The following MINDY2 variants were observed in gnomAD, a reference collection of about 807,000 sequenced individuals.
MINDY2 encodes the protein ubiquitin carboxyl-terminal hydrolase MINDY-2.
A neutral mutation model predicts 68.2 loss-of-function variants in MINDY2; 52 were observed. That is an observed-to-expected ratio of 0.76 (90% CI 0.61 to 0.96). MINDY2 has a LOEUF of 0.96. Among genes scored for constraint, MINDY2 ranks in the 40% least tolerant of loss-of-function variants. The pLI, the probability that MINDY2 is intolerant of heterozygous loss-of-function variation, is 0.00. For missense variants in MINDY2, 881 were observed against 773.4 expected, an observed-to-expected ratio of 1.14 and a Z score of -1.65; for synonymous variants, 372 against 303.0, an observed-to-expected ratio of 1.23 and a Z score of -2.36.
At chr15:58,844,655 T>C (rs1417568456) in intron 6 of MINDY2, among the ~76,000 whole-genome samples, 1 of 150,232 alleles carries the variant, frequency 6.7e-6, no homozygotes, top group Non-Finnish European at 1.5e-5. Flanking sequence ...CGGTGGCTCA[T>C]ACCTGTAATC....
At chr15:58,785,605 T>C (rs1253183006) in intron 1 of MINDY2, among the ~76,000 whole-genome samples, 12 of 152,170 alleles carry the variant, frequency 7.9e-5, no homozygotes, top group African/African-American at 2.9e-4. Context: ...TTTAAAAATA[T>C]GCCATATATG....
At chr15:58,785,135 C>CAA (rs397719705) in intron 1 of MINDY2, among the ~76,000 whole-genome samples, 48 of 68,432 alleles carry the variant, frequency 7.0e-4, no homozygotes, top group East Asian at 1.4e-3. Context: ...TGAAGGAAAG[C>CAA]AAAAAAAAAA....
At chr15:58,781,136 A>C (rs1901115216) in intron 1 of MINDY2, among the ~76,000 whole-genome samples, 7 of 151,720 alleles carry the variant, frequency 4.6e-5, no homozygotes, top group South Asian at 4.2e-4. Flanking sequence ...TGCAACCTCC[A>C]CCTCCTGGGT....
intron 1 of MINDY2, among the ~76,000 whole-genome samples, chr15:58,772,647 T>C (rs1257508011): frequency 6.6e-6 from 1 of 152,214 alleles, no homozygotes; most frequent in Non-Finnish European, 1.5e-5. Flanking sequence ...GGACTAAGTT[T>C]TCATGGTTAT....
Position 58,794,753 on chromosome 15 carries a change from T to A in MINDY2, c.898+6790T>A, listed in dbSNP as rs117258318. On this transcript the variant is annotated intron_variant, in intron 2 of 8. Transcript: ENST00000559228. Reference sequence around the variant, plus strand: ...GCATTGTCGTCAAGACAGAGCCAAATACTCAGATAATAAGGTGAAGGGAAC... The same window carrying A: ...GCATTGTCGTCAAGACAGAGCCAAAAACTCAGATAATAAGGTGAAGGGAAC... Among the ~76,000 whole-genome samples, 92 of 152,162 alleles carry A rather than the reference T, an allele frequency of 6.0e-4. 1 individual carries two copies. In the East Asian group the frequency reaches 0.015, roughly 26 times the overall value.
Position 58,857,454 on chromosome 15 carries a change from A to G in MINDY2, c.*2844A>G, listed in dbSNP as rs1433587988. The G allele has an allele frequency of 2.1e-5, 3 of 145,556 alleles. No individual in the cohort carries two copies. The highest frequency in any genetic ancestry group is 4.5e-5 in the Non-Finnish European group (3 of 66,938). 9.0% of individuals were successfully genotyped at this position (145,556 alleles called of 1,614,324 possible). A position where few individuals can be genotyped will look rare whatever the true frequency, so the allele number is the denominator to read the frequency against. On this transcript the variant is annotated 3_prime_UTR_variant, in exon 9 of 9. Transcript: ENST00000559228. The stretch of plus-strand genomic sequence containing the variant: ...GAGGCTGAGGCAGGAGAATCGCTTG[A>G]ACCCAGGAGGCAGTGATTGCAGTGA...
At chr15:58,780,146 T>C (rs1901038944) in intron 1 of MINDY2, among the ~76,000 whole-genome samples, 3 of 152,208 alleles carry the variant, frequency 2.0e-5, no homozygotes, top group Admixed American at 2.0e-4. Flanking sequence ...TGGCTCACAC[T>C]GTAATCCCAG....
At chr15:58,816,742 G>C (rs1473178220) in intron 4 of MINDY2, among the ~76,000 whole-genome samples, 1 of 152,142 alleles carries the variant, frequency 6.6e-6, no homozygotes, top group Admixed American at 6.6e-5. Context: ...GGGAAAAAAT[G>C]AAACTGTTTC....
intron 7 of MINDY2, among the ~76,000 whole-genome samples, chr15:58,851,378 G>T (rs1040127968): frequency 1.3e-5 from 2 of 151,958 alleles, no homozygotes; most frequent in Admixed American, 1.3e-4. Flanking sequence ...AAAATAAAAT[G>T]TTTTTTATTT....
At position 58,775,859 on chromosome 15, in the gene MINDY2, A is replaced by AT. The variant is rs544164455; in HGVS notation, c.840+3643dup. On this transcript the variant is annotated intron_variant, in intron 1 of 8. Coordinates refer to ENST00000559228, the MANE Select transcript of MINDY2 (RefSeq NM_001040450.3). The stretch of plus-strand genomic sequence containing the variant: ...GACTGGGTCTCAGTAAAGAGGCTAA[A>AT]TTTTTTTTTTTTTTTTTTTGAGACA... Among the ~76,000 whole-genome samples, 866 of 139,584 alleles carry AT rather than the reference A, an allele frequency of 6.2e-3. 6 individuals are homozygous for AT. The highest frequency in any genetic ancestry group is 0.029 in the Middle Eastern group (8 of 272). The allele number at this position is 139,584 out of a possible 152,430, so 91.6% of individuals were successfully genotyped here.
At chr15:58,830,482 AG>A (rs1342097762) in intron 5 of MINDY2, among the ~76,000 whole-genome samples, 7 of 152,208 alleles carry the variant, frequency 4.6e-5, no homozygotes, top group African/African-American at 1.7e-4. Flanking sequence ...TTTTCAGATT[AG>A]GGATGCTCAG....
At chr15:58,797,971 T>C (rs1243415492) in intron 2 of MINDY2, among the ~76,000 whole-genome samples, 1 of 152,220 alleles carries the variant, frequency 6.6e-6, no homozygotes, top group African/African-American at 2.4e-5. Flanking sequence ...GAGGGGTTAA[T>C]GTGCTGTCTC....
At chr15:58,843,832 C>CAAAA (rs34999651) in intron 6 of MINDY2, among the ~76,000 whole-genome samples, 175 of 84,196 alleles carry the variant, frequency 2.1e-3, no homozygotes, top group East Asian at 3.9e-3. Flanking sequence ...GACTCTGTCT[C>CAAAA]AAAAAAAAAA....
rs1256033840 is a variant in MINDY2 at position 58,856,275 on chromosome 15, G to C, written c.*1665G>C. 1.2e-4 allele frequency: 18 copies of C among 152,444 alleles called. No individual in the cohort carries two copies. The highest frequency in any genetic ancestry group is 4.3e-4 in the African/African-American group (18 of 41,390). The allele number at this position is 152,444 out of a possible 1,614,324, so 9.4% of individuals were successfully genotyped here. A position where few individuals can be genotyped will look rare whatever the true frequency, so the allele number is the denominator to read the frequency against. On this transcript the variant is annotated 3_prime_UTR_variant, in exon 9 of 9. Coordinates refer to ENST00000559228, the MANE Select transcript of MINDY2 (RefSeq NM_001040450.3). ...CACTTGGAGAGTGTTTTTTTTGTGT[G>C]TGGTCTGGGGTGACAAAAGACCACA...
chr15:58,839,497 A>T (rs370680041), intron 6 of MINDY2, among the ~76,000 whole-genome samples: 1 of 151,906 alleles, frequency 6.6e-6, no homozygotes, highest in Non-Finnish European at 1.5e-5. Context: ...ACATCCAGCT[A>T]ATTTTTGTAT....
chr15:58,771,866 C>T lies in MINDY2; in HGVS notation c.471C>T (p.Leu157=), dbSNP rs1347329267. 2 of 1,584,920 alleles carry T rather than the reference C, an allele frequency of 1.3e-6. No individual in the cohort carries two copies. Among genetic ancestry groups the T allele is most frequent in the Non-Finnish European group, 1.7e-6 (2 of 1,166,636 alleles). The part of the protein sequence containing the change: ...GSEEPSSAGG[L]SSSCSDPSPP... ...AAGAGCCCAGCAGCGCCGGCGGCCT[C>T]AGCAGCAGTTGCAGCGACCCGAGCC... Residue 157 remains leucine (L), a synonymous_variant, in exon 1 of 9, where the codon CTC becomes CTT. Transcript: ENST00000559228.
chr15:58,772,944 A>G (rs529695045), intron 1 of MINDY2, among the ~76,000 whole-genome samples: 1 of 152,234 alleles, frequency 6.6e-6, no homozygotes, highest in Non-Finnish European at 1.5e-5. Flanking sequence ...AAGAAAAGGT[A>G]TGTCTAAGGT....
chr15:58,789,450 TAGA>T (rs1286863788), intron 2 of MINDY2, among the ~76,000 whole-genome samples: 1 of 151,914 alleles, frequency 6.6e-6, no homozygotes, highest in Non-Finnish European at 1.5e-5. Flanking sequence ...CAGGAAATTT[TAGA>T]AGATTTTTTT....
At chr15:58,849,111 G>A (rs1322364478) in intron 7 of MINDY2, among the ~76,000 whole-genome samples, 1 of 152,076 alleles carries the variant, frequency 6.6e-6, no homozygotes, top group East Asian at 1.9e-4. Flanking sequence ...TCGGGAGGCT[G>A]AGGTGAGAGA....
Sources: allele counts gnomAD v4.1 joint callset (sites outside exome capture counted in the v4.1 genomes callset), GRCh38; gene constraint gnomAD v4.1.1; transcripts MANE v1.5; gene names NCBI Gene and HGNC (gene_info 2026-07-23, HGNC 2026-07-21).